The following PTPRG variants were observed in gnomAD, a reference collection of about 807,000 sequenced individuals.
PTPRG encodes the protein receptor-type tyrosine-protein phosphatase gamma.
A neutral mutation model predicts 165.3 loss-of-function variants in PTPRG; 102 were observed. The observed-to-expected ratio is 0.62, with a 90% confidence interval of 0.53 to 0.73. PTPRG has a LOEUF of 0.73. Ranked by LOEUF, PTPRG falls within the 30% of genes least tolerant of loss-of-function variation. PTPRG has a pLI of 0.00. For missense variants in PTPRG, 1,866 were observed against 1,861.4 expected (o/e 1.00, Z -0.05); for synonymous variants, 675 against 669.5 (o/e 1.01, Z -0.13).
At chr3:61,703,281 T>G in intron 1 of PTPRG, among the ~76,000 whole-genome samples, 1 of 152,206 alleles carries the variant, frequency 6.6e-6, no homozygotes, top group Non-Finnish European at 1.5e-5. Flanking sequence ...ACTGATGCCT[T>G]TCTGGAAAAT....
In PTPRG at chr3:61,821,459, G is replaced by A. The variant is rs376820105; in HGVS notation, c.190+72477G>A. Among the ~76,000 whole-genome samples, 88 of 152,298 alleles carry A rather than the reference G, an allele frequency of 5.8e-4. 2 individuals carry two copies. Among genetic ancestry groups the A allele is most frequent in the South Asian group, 2.7e-3 (13 of 4,826 alleles). ...GTTGGGATTACAGGCGTGAGCCACC[G>A]CGCACTGCCGTCTGCTCTTCTTAAG... On this transcript the variant is annotated intron_variant, in intron 2 of 29. Transcript: ENST00000474889.
At chr3:62,016,767 A>G (rs985233356) in intron 4 of PTPRG, among the ~76,000 whole-genome samples, 3 of 152,108 alleles carry the variant, frequency 2.0e-5, no homozygotes. Flanking sequence ...ACCTTGGCCT[A>G]CAAGGCCCTA....
chr3:62,183,461 G>A (rs1705739179), intron 8 of PTPRG, among the ~76,000 whole-genome samples: 1 of 151,958 alleles, frequency 6.6e-6, no homozygotes, highest in Non-Finnish European at 1.5e-5. Context: ...CTACTTGGGA[G>A]GCTGAGGCAT....
At chr3:61,972,322 G>A (rs894306159) in intron 2 of PTPRG, among the ~76,000 whole-genome samples, 2 of 152,186 alleles carry the variant, frequency 1.3e-5, no homozygotes, top group African/African-American at 2.4e-5. Context: ...GGTAAATTTG[G>A]GCAGAGGCCA....
chr3:61,939,928 CTTTTTTTTTTTTTTTTTTTT>C (rs561334410), intron 2 of PTPRG, among the ~76,000 whole-genome samples: 437 of 39,146 alleles, frequency 0.011, 19 homozygotes, highest in Middle Eastern at 0.087. Context: ...ACTGACTTGT[CTTTTTTTTTTTTTTTTTTTT>C]TTTTTTTTTT....
chr3:61,988,591 G>A (rs976071940), intron 2 of PTPRG, among the ~76,000 whole-genome samples: 1 of 152,158 alleles, frequency 6.6e-6, no homozygotes, highest in Admixed American at 6.5e-5. Flanking sequence ...CAGTATTTCT[G>A]TAGATGAATG....
intron 4 of PTPRG, among the ~76,000 whole-genome samples, chr3:62,020,287 G>A (rs935648091): frequency 2.6e-5 from 4 of 152,034 alleles, no homozygotes; most frequent in Non-Finnish European, 5.9e-5. Flanking sequence ...GCATTCTACA[G>A]ATTTTTCACA....
intron 2 of PTPRG, among the ~76,000 whole-genome samples, chr3:61,790,425 A>G (rs2034836698): frequency 6.6e-6 from 1 of 152,222 alleles, no homozygotes; most frequent in Non-Finnish European, 1.5e-5. Flanking sequence ...GGTTTGGATT[A>G]AAATCAAAGT....
At chr3:62,083,175 C>A (rs1701636679) in intron 5 of PTPRG, among the ~76,000 whole-genome samples, 2 of 151,822 alleles carry the variant, frequency 1.3e-5, no homozygotes, top group African/African-American at 2.4e-5. Flanking sequence ...CTACTGTCAA[C>A]CTAATTTGAA....
At chr3:61,677,508 G>A (rs1467644963) in intron 1 of PTPRG, among the ~76,000 whole-genome samples, 1 of 152,140 alleles carries the variant, frequency 6.6e-6, no homozygotes, top group East Asian at 1.9e-4. Flanking sequence ...CTTGGATCAC[G>A]ATCCCAATAA....
intron 4 of PTPRG, among the ~76,000 whole-genome samples, chr3:62,014,231 C>T (rs1035532160): frequency 6.6e-6 from 1 of 152,128 alleles, no homozygotes; most frequent in African/African-American, 2.4e-5. Context: ...CATTGCACCC[C>T]CCCTTTAATG....
rs148037016 is a variant in PTPRG, at chr3:61,949,621, A to T, written c.191-40004A>T. 4.5e-3 allele frequency among the ~76,000 whole-genome samples: 692 copies of T among 152,322 alleles called. 8 individuals are homozygous for T. Among genetic ancestry groups the T allele is most frequent in the African/African-American group, 0.016 (662 of 41,576 alleles). On this transcript the variant is annotated intron_variant, in intron 2 of 29. Transcript: ENST00000474889. Reference sequence around the variant, plus strand: ...GTAACAGAGAGGGGTTAAGCAACCAAGTTTCCATGACTGTCAAATGCCAGC... The same window carrying T: ...GTAACAGAGAGGGGTTAAGCAACCATGTTTCCATGACTGTCAAATGCCAGC...
intron 2 of PTPRG, among the ~76,000 whole-genome samples, chr3:61,866,688 T>C (rs1460873634): frequency 7.2e-6 from 1 of 138,452 alleles, no homozygotes; most frequent in African/African-American, 2.6e-5. Context: ...CAACTTTGCC[T>C]CCCTAGTTCA....
At chr3:61,573,028 G>A (rs1482198223) in intron 1 of PTPRG, among the ~76,000 whole-genome samples, 1 of 152,212 alleles carries the variant, frequency 6.6e-6, no homozygotes, top group African/African-American at 2.4e-5. Context: ...TGTCAATCTT[G>A]CTTATGAAGC....
At chr3:61,808,065 G>A (rs1204103053) in intron 2 of PTPRG, among the ~76,000 whole-genome samples, 1 of 152,106 alleles carries the variant, frequency 6.6e-6, no homozygotes, top group Non-Finnish European at 1.5e-5. Context: ...TCCTATCCAG[G>A]CACGGAGCTG....
chr3:62,276,961 C>T lies in PTPRG; in HGVS notation c.3560-11C>T. On this transcript the variant is annotated splice_polypyrimidine_tract_variant and intron_variant, in intron 24 of 29. Coordinates refer to ENST00000474889, the MANE Select transcript of PTPRG (RefSeq NM_002841.4). The stretch of plus-strand genomic sequence containing the variant: ...GGCAAATGTGGTGTTTTTGTTTTTT[C>T]CATATGATAGCTGAGCGTGCTCGAG... 1.2e-6 allele frequency: 2 copies of T among 1,610,828 alleles called. No homozygotes were observed. Among genetic ancestry groups the T allele is most frequent in the Non-Finnish European group, 1.7e-6 (2 of 1,178,244 alleles).
intron 1 of PTPRG, among the ~76,000 whole-genome samples, chr3:61,672,302 A>C (rs1002619959): frequency 2.1e-5 from 3 of 144,712 alleles, no homozygotes; most frequent in African/African-American, 5.2e-5. Context: ...GACGCTCCTC[A>C]CTTCCCAGAC....
chr3:62,084,258 A>G (rs1272084342), intron 5 of PTPRG, among the ~76,000 whole-genome samples: 1 of 152,196 alleles, frequency 6.6e-6, no homozygotes, highest in Non-Finnish European at 1.5e-5. Flanking sequence ...TTTATTCATC[A>G]TTCTTAAACT....
intron 4 of PTPRG, among the ~76,000 whole-genome samples, chr3:62,051,341 G>A (rs17767746): frequency 6.6e-6 from 1 of 152,114 alleles, no homozygotes; most frequent in Non-Finnish European, 1.5e-5. Context: ...AGCATTTCTG[G>A]CATGGGAACC....
Sources: gnomAD v4.1 joint callset for allele counts (sites outside exome capture counted in the v4.1 genomes callset) on GRCh38, gnomAD v4.1.1 for gene constraint, MANE v1.5 for transcripts, NCBI Gene and HGNC (gene_info 2026-07-23, HGNC 2026-07-21) for gene names.